EIF1B: variants seen among roughly 807,000 people sequenced by gnomAD.
The protein encoded by EIF1B is eukaryotic translation initiation factor 1B.
A neutral mutation model predicts 14.8 loss-of-function variants in EIF1B; 5 were observed. The ratio of observed to expected loss-of-function variants is 0.34; its 90% CI spans 0.18 to 0.71. The LOEUF is 0.71. Among genes scored for constraint, EIF1B ranks in the 30% least tolerant of loss-of-function variants. EIF1B has a pLI of 0.64. For synonymous variants in EIF1B, 45 were observed against 45.8 expected, an observed-to-expected ratio of 0.98 and a Z score of 0.07; for missense variants, 56 against 134.0, an observed-to-expected ratio of 0.42 and a Z score of 2.87.
chr3:40,311,149 A>G (rs1454490), intron 2 of EIF1B, 93 bp downstream of exon 2: 1,233,021 of 1,248,098 alleles, frequency 0.99, 609,584 homozygotes, highest in East Asian at 1. Context: ...GGATGAAAAT[A>G]ACTAGACCAA....
chr3:40,311,872 C>T (rs1020466169), intron 3 of EIF1B, 98 bp from the exon 4 acceptor site: 1 of 938,136 alleles, frequency 1.1e-6, no homozygotes, highest in Non-Finnish European at 1.7e-6. Flanking sequence ...TTGCAGTAAG[C>T]TGTTGATAGT....
intron 2 of EIF1B, 42 bp from the exon 3 acceptor site, chr3:40,311,428 G>A (rs1276138048): frequency 7.1e-7 from 1 of 1,405,838 alleles, no homozygotes; most frequent in Non-Finnish European, 1.0e-6. Flanking sequence ...AAACCTCATA[G>A]TAGTTGACTA....
chr3:40,309,979 T>A lies in EIF1B; in HGVS notation c.31+7T>A. ...CAGAACCTCCAATCTTTCGGTAAGA[T>A]CCCGTCGCCGCCGCCTCCCTCCCTT... is the stretch of plus-strand genomic sequence containing the variant. On this transcript the variant is annotated splice_region_variant and intron_variant, in intron 1 of 3. Transcript: ENST00000232905. 1 of 1,613,732 alleles carries A rather than the reference T, an allele frequency of 6.2e-7. No individual in the cohort carries two copies. The highest frequency in any genetic ancestry group is 8.5e-7 in the Non-Finnish European group (1 of 1,179,922).
Position 40,309,823 on chromosome 3 carries a change from C to A in EIF1B, c.-119C>A, listed in dbSNP as rs980699579. The A allele has an allele frequency of 7.7e-7, 1 of 1,294,236 alleles. No homozygotes were observed. Among genetic ancestry groups the A allele is most frequent in the Non-Finnish European group, 1.1e-6 (1 of 903,342 alleles). 80.2% of individuals were successfully genotyped at this position (1,294,236 alleles called of 1,614,324 possible). A position where few individuals can be genotyped will look rare whatever the true frequency, so the allele number is the denominator to read the frequency against. On this transcript the variant is annotated 5_prime_UTR_variant, in exon 1 of 4. Transcript: ENST00000232905. Reference sequence around the variant, plus strand: ...CCGCCACTCCAGCCTAATCCCAACCCCAGGGCGAAGCGTTTTCTTATTTAT... The same window carrying A: ...CCGCCACTCCAGCCTAATCCCAACCACAGGGCGAAGCGTTTTCTTATTTAT...
chr3:40,311,871 G>T, intron 3 of EIF1B, 99 bp from the exon 4 acceptor site: 1 of 926,722 alleles, frequency 1.1e-6, no homozygotes, highest in Non-Finnish European at 1.8e-6. Context: ...GTTGCAGTAA[G>T]CTGTTGATAG....
rs1454493 is a variant in EIF1B, at chr3:40,311,409, G to C, written c.196-61G>C. 6 of 1,216,758 alleles carry C rather than the reference G, an allele frequency of 4.9e-6. No homozygotes were observed. The Admixed American group carries it at 5.3e-5, about 11-fold the overall frequency. 75.4% of individuals were successfully genotyped at this position (1,216,758 alleles called of 1,614,324 possible). A position where few individuals can be genotyped will look rare whatever the true frequency, so the allele number is the denominator to read the frequency against. On this transcript the variant is annotated intron_variant, in intron 2 of 3. Coordinates refer to ENST00000232905, the MANE Select transcript of EIF1B (RefSeq NM_005875.3). Reference sequence around the variant, plus strand: ...CTGAAATGGCTAATTCTGTTCATACGGTGAAATAAAACCTCATAGTAGTTG... The same window carrying C: ...CTGAAATGGCTAATTCTGTTCATACCGTGAAATAAAACCTCATAGTAGTTG...
At chr3:40,309,996 C>T in intron 1 of EIF1B, 24 bp downstream of exon 1, 2 of 1,613,096 alleles carry the variant, frequency 1.2e-6, no homozygotes, top group Non-Finnish European at 1.7e-6. Context: ...GCCGCCGCCT[C>T]CCTCCCTTGC....
chr3:40,310,540 GT>G, intron 1 of EIF1B: 1 of 200,624 alleles, frequency 5.0e-6, no homozygotes, highest in Non-Finnish European at 9.9e-6. Context: ...GAATGTTTAT[GT>G]TTTCATCAGA....
At chr3:40,310,165 C>T (rs1202872921) in intron 1 of EIF1B, among the ~76,000 whole-genome samples, 193 bp downstream of exon 1, 1 of 152,062 alleles carries the variant, frequency 6.6e-6, no homozygotes, top group Non-Finnish European at 1.5e-5. Context: ...GACTCCGAGC[C>T]CTCCTCTCGG....
At chr3:40,311,767 T>TG (rs1954329168) in intron 3 of EIF1B, 196 bp downstream of exon 3, 3 of 665,012 alleles carry the variant, frequency 4.5e-6, no homozygotes, top group Non-Finnish European at 7.8e-6. Flanking sequence ...TGATCATTTC[T>TG]TTATATACAC....
intron 1 of EIF1B, 36 bp from the exon 2 acceptor site, chr3:40,310,857 A>C (rs1332134642): frequency 6.7e-7 from 1 of 1,502,876 alleles, no homozygotes; most frequent in Non-Finnish European, 8.9e-7. Flanking sequence ...ATATTTTTCT[A>C]CTTTGGATTT....
intron 1 of EIF1B, 22 bp from the exon 2 acceptor site, chr3:40,310,864 ATTTTTTT>A: frequency 7.1e-7 from 1 of 1,411,724 alleles, no homozygotes; most frequent in Non-Finnish European, 9.5e-7. Context: ...TCTACTTTGG[ATTTTTTT>A]TTTTTTTTTA....
chr3:40,309,984 TCGCCGC>T lies in EIF1B; in HGVS notation c.31+17_31+22del, dbSNP rs777196010. On this transcript the variant is annotated intron_variant, in intron 1 of 3. Coordinates refer to ENST00000232905, the MANE Select transcript of EIF1B (RefSeq NM_005875.3). ...CCTCCAATCTTTCGGTAAGATCCCG[TCGCCGC>T]CGCCTCCCTCCCTTGCCCGGCGCGC... 1.2e-6 allele frequency: 2 copies of T among 1,613,600 alleles called. No individual in the cohort carries two copies. Among genetic ancestry groups the T allele is most frequent in the South Asian group, 2.2e-5 (2 of 91,078 alleles).
chr3:40,309,758 T>G lies in EIF1B; in HGVS notation c.-184T>G. 6.2e-6 allele frequency: 4 copies of G among 645,184 alleles called. No individual in the cohort carries two copies. The highest frequency in any genetic ancestry group is 1.1e-5 in the Non-Finnish European group (4 of 374,586). The allele number at this position is 645,184 out of a possible 1,614,324, so 40.0% of individuals were successfully genotyped here. ...TCGCGCCCTCGCCTCTTCCTCCGCC[T>G]CCTCCTTCGCCTCTTCCTGCCTCCT... On this transcript the variant is annotated 5_prime_UTR_variant, in exon 1 of 4. Transcript: ENST00000232905.
At chr3:40,310,521 G>A (rs1214621067) in intron 1 of EIF1B, 1 of 192,490 alleles carries the variant, frequency 5.2e-6, no homozygotes, top group Non-Finnish European at 1.0e-5. Context: ...GATTAAGGTG[G>A]GCGTATTCGA....
chr3:40,310,013 C>A (rs750467547), intron 1 of EIF1B, 41 bp downstream of exon 1: 2 of 1,611,942 alleles, frequency 1.2e-6, no homozygotes, highest in South Asian at 2.2e-5. Context: ...TTGCCCGGCG[C>A]GCATCTCGGC....
At position 40,312,314 on chromosome 3, in the gene EIF1B, G is replaced by A; in HGVS notation, c.*300G>A. ...CACTTGATTAAATTTTTTTGTTGTT[G>A]TATTAAACCATGTACGTTGCAGCTT... On this transcript the variant is annotated 3_prime_UTR_variant, in exon 4 of 4. Transcript: ENST00000232905. 1 of 272,052 alleles carries A rather than the reference G, an allele frequency of 3.7e-6. No homozygotes were observed. Among genetic ancestry groups the A allele is most frequent in the Non-Finnish European group, 6.8e-6 (1 of 146,860 alleles). 16.9% of individuals were successfully genotyped at this position (272,052 alleles called of 1,614,324 possible). A position where few individuals can be genotyped will look rare whatever the true frequency, so the allele number is the denominator to read the frequency against.
Position 40,311,053 on chromosome 3 carries a change from A to G in EIF1B, c.192A>G (p.Lys64=). 6.2e-7 allele frequency: 1 copy of G among 1,613,974 alleles called. No homozygotes were observed. The highest frequency in any genetic ancestry group is 8.5e-7 in the Non-Finnish European group (1 of 1,179,938). The change falls in exon 2 of 4, where the codon AAA becomes AAG. Residue 64 remains lysine (K), a synonymous_variant. Coordinates refer to ENST00000232905, the MANE Select transcript of EIF1B (RefSeq NM_005875.3). ...AAAAGAAACTTGTGAAAGCTTTCAA[A>G]AAGGTAAAGGGATTAGGAAGAAAGG... is the stretch of plus-strand genomic sequence containing the variant. The part of the protein sequence containing the change: ...YDKKKLVKAF[K]KKFACNGTVI...
Position 40,311,580 on chromosome 3 carries a change from T to G in EIF1B, c.297+9T>G, listed in dbSNP as rs1325176899. On this transcript the variant is annotated intron_variant, in intron 3 of 3. Coordinates refer to ENST00000232905, the MANE Select transcript of EIF1B (RefSeq NM_005875.3). ...GCCAGTTTCTCTTGGAGGTGAGTGA[T>G]TGGGTGCTTTATGTGTAACCTTGAG... 4 of 1,604,086 alleles carry G rather than the reference T, an allele frequency of 2.5e-6. No homozygotes were observed. The South Asian group carries it at 3.3e-5, about 13-fold the overall frequency.
Sources: allele counts gnomAD v4.1 joint callset (sites outside exome capture counted in the v4.1 genomes callset), GRCh38; gene constraint gnomAD v4.1.1; transcripts MANE v1.5; gene names NCBI Gene and HGNC (gene_info 2026-07-23, HGNC 2026-07-21).